CPNE2: variants seen among roughly 807,000 people sequenced by gnomAD.
CPNE2 encodes the protein copine 2.
In CPNE2, 42 loss-of-function variants were observed where a neutral mutation model predicts 69.7. That is an observed-to-expected ratio of 0.60 (90% CI 0.47 to 0.78). The LOEUF (loss-of-function observed/expected upper bound fraction) is 0.78, where lower values mean the gene tolerates loss of function less well. CPNE2 is among the 30% of genes least tolerant of loss of function. The pLI is 0.00. For synonymous variants in CPNE2, 294 were observed against 289.8 expected, an observed-to-expected ratio of 1.01 and a Z score of -0.15; for missense variants, 587 against 732.0, an observed-to-expected ratio of 0.80 and a Z score of 2.29.
At chr16:57,126,028 G>C (rs1206224997) in intron 11 of CPNE2, 35 bp downstream of exon 11, 1 of 1,612,030 alleles carries the variant, frequency 6.2e-7, no homozygotes, top group Non-Finnish European at 8.5e-7. Context: ...GGTCAGCTAG[G>C]GTTCCATCCA....
intron 1 of CPNE2, among the ~76,000 whole-genome samples, chr16:57,108,921 T>A (rs1275137323): frequency 6.6e-6 from 1 of 152,212 alleles, no homozygotes; most frequent in Admixed American, 6.5e-5. Flanking sequence ...CTGAGGCATA[T>A]GGAGGGTTTG....
rs548917741 is a variant in CPNE2 at position 57,112,547 on chromosome 16, C to T, written c.181-741C>T. Among the ~76,000 whole-genome samples, 6 of 152,282 alleles carry T rather than the reference C, an allele frequency of 3.9e-5. No individual in the cohort carries two copies. The South Asian group carries it at 6.2e-4, about 16-fold the overall frequency. On this transcript the variant is annotated intron_variant, in intron 2 of 15. Coordinates refer to ENST00000290776, the MANE Select transcript of CPNE2 (RefSeq NM_152727.6). ...GACTGGGTGGGAGGAAAAGTCAACACAGCCTGGGCCCCAAAATAGACTGTC... is the reference window on the plus strand; with the variant it reads ...GACTGGGTGGGAGGAAAAGTCAACATAGCCTGGGCCCCAAAATAGACTGTC...
rs1300186334 is a variant in CPNE2 at position 57,146,409 on chromosome 16, T to A, written c.1539+88T>A. Reference sequence around the variant, plus strand: ...CAAGCTTGAGAGTCTTGGGGTTGTCTGGCCCAATCCTAGACTTCTCCACTC... The same window carrying A: ...CAAGCTTGAGAGTCTTGGGGTTGTCAGGCCCAATCCTAGACTTCTCCACTC... On this transcript the variant is annotated intron_variant, in intron 15 of 15. Coordinates refer to ENST00000290776, the MANE Select transcript of CPNE2 (RefSeq NM_152727.6). The surrounding 1 kb of genome is among the most constrained non-coding windows in gnomAD (Gnocchi z 4.4). 8 of 1,173,746 alleles carry A rather than the reference T, an allele frequency of 6.8e-6. No individual in the cohort carries two copies. The highest frequency in any genetic ancestry group is 9.6e-6 in the Non-Finnish European group (8 of 830,934). 72.7% of individuals were successfully genotyped at this position (1,173,746 alleles called of 1,614,324 possible).
intron 1 of CPNE2, chr16:57,093,838 A>G (rs2069560800): frequency 3.0e-6 from 1 of 337,406 alleles, no homozygotes; most frequent in Non-Finnish European, 5.8e-6. Flanking sequence ...CAGGGAGCCC[A>G]TGGTTTTCAG....
At chr16:57,127,387 G>A (rs2069807997) in intron 11 of CPNE2, among the ~76,000 whole-genome samples, 1 of 152,184 alleles carries the variant, frequency 6.6e-6, no homozygotes, top group Admixed American at 6.5e-5. Context: ...AGGGGCGTGG[G>A]TGGAAGGAGA....
At chr16:57,125,766 T>C in intron 10 of CPNE2, 94 bp from the exon 11 acceptor site, 1 of 1,495,052 alleles carries the variant, frequency 6.7e-7, no homozygotes, top group Non-Finnish European at 9.1e-7. Context: ...TGAGTGGGCT[T>C]CCCATGTCCC....
intron 1 of CPNE2, among the ~76,000 whole-genome samples, chr16:57,094,673 C>T (rs2069566990): frequency 6.6e-6 from 1 of 152,144 alleles, no homozygotes; most frequent in African/African-American, 2.4e-5. Context: ...CTGTCATTGT[C>T]ATTATCCATG....
In CPNE2 at chr16:57,101,708, C is replaced by A. The variant is rs118165517; in HGVS notation, c.-36+8918C>A. 0.021 allele frequency among the ~76,000 whole-genome samples: 3,142 copies of A among 152,322 alleles called. 175 individuals carry two copies. In the East Asian group the frequency reaches 0.21, roughly 10 times the overall value. On this transcript the variant is annotated intron_variant, in intron 1 of 15. Transcript: ENST00000290776. ...GTCTCAAAGTGTGGTTCCAGGGGGG[C>A]AGCCCCAGCATCAGCTGTAGCTTGT...
chr16:57,134,085 C>A (rs946606899), intron 12 of CPNE2, among the ~76,000 whole-genome samples: 3 of 152,192 alleles, frequency 2.0e-5, no homozygotes, highest in African/African-American at 4.8e-5. Context: ...CGAAGCCATG[C>A]GAGCAGCAGC....
At chr16:57,120,465 A>C (rs2069753795) in intron 7 of CPNE2, among the ~76,000 whole-genome samples, 1 of 151,844 alleles carries the variant, frequency 6.6e-6, no homozygotes, top group South Asian at 2.1e-4. Flanking sequence ...TTATAAAATA[A>C]AATCAAATAA....
intron 13 of CPNE2, 104 bp from the exon 14 acceptor site, chr16:57,137,045 G>A: frequency 1.3e-6 from 2 of 1,484,942 alleles, no homozygotes; most frequent in South Asian, 1.3e-5. Context: ...GCCATGGCAG[G>A]GACATTTTGG....
intron 1 of CPNE2, chr16:57,093,972 C>G (rs2069561784): frequency 2.2e-6 from 1 of 450,956 alleles, no homozygotes. Flanking sequence ...AGACCCTCCC[C>G]CCCTGTGGCC....
intron 11 of CPNE2, among the ~76,000 whole-genome samples, chr16:57,127,081 T>C (rs1367986449): frequency 2.0e-5 from 3 of 152,158 alleles, no homozygotes; most frequent in Admixed American, 2.0e-4. Flanking sequence ...AGTTCTCACT[T>C]AAAGAGGAAG....
Position 57,092,941 on chromosome 16 carries a change from C to T in CPNE2, c.-36+151C>T, listed in dbSNP as rs1263801306. On this transcript the variant is annotated intron_variant, in intron 1 of 15. Coordinates refer to ENST00000290776, the MANE Select transcript of CPNE2 (RefSeq NM_152727.6). This position sits in a 1 kb window ranked among gnomAD's most constrained non-coding sequence, Gnocchi z 5.3. ...TCTAGCCCCCGCCGCCAGCGCGAAC[C>T]CGGACTCCGGCGCTTCGGTGACTCA... Among the ~76,000 whole-genome samples the T allele has an allele frequency of 5.3e-5, 8 of 152,084 alleles. No homozygotes were observed. The highest frequency in any genetic ancestry group is 1.7e-4 in the African/African-American group (7 of 41,450).
intron 1 of CPNE2, among the ~76,000 whole-genome samples, chr16:57,102,231 T>C (rs1228853544): frequency 6.6e-6 from 1 of 151,938 alleles, no homozygotes; most frequent in African/African-American, 2.4e-5. Flanking sequence ...ATAACAGGAG[T>C]GAGCCACCGC....
At chr16:57,116,290 G>T (rs185477430) in intron 4 of CPNE2, among the ~76,000 whole-genome samples, 2 of 152,150 alleles carry the variant, frequency 1.3e-5, no homozygotes, top group African/African-American at 4.8e-5. Context: ...TGAATTCTTA[G>T]CATATCCTGA....
At chr16:57,125,713 T>G in intron 10 of CPNE2, 147 bp from the exon 11 acceptor site, 1 of 944,248 alleles carries the variant, frequency 1.1e-6, no homozygotes, top group Non-Finnish European at 1.6e-6. Context: ...AATCAGAGCA[T>G]TTCTAGGTTT....
Position 57,130,885 on chromosome 16 carries a change from T to G in CPNE2, c.1116+2982T>G, listed in dbSNP as rs1458800898. Among the ~76,000 whole-genome samples, 4 of 151,142 alleles carry G rather than the reference T, an allele frequency of 2.6e-5. No individual in the cohort carries two copies. Among genetic ancestry groups the G allele is most frequent in the African/African-American group, 9.8e-5 (4 of 41,002 alleles). On this transcript the variant is annotated intron_variant, in intron 12 of 15. Transcript: ENST00000290776. This position sits in a 1 kb window ranked among gnomAD's most constrained non-coding sequence, Gnocchi z 4.1. ...GGCTGAGGAGGAGCCAGGAGAGGCG[T>G]GGAGGTGAATTGAAGCGGGGGTCCC...
chr16:57,121,059 C>A (rs1385028323), intron 7 of CPNE2, 34 bp from the exon 8 acceptor site: 2 of 1,544,592 alleles, frequency 1.3e-6, no homozygotes, highest in South Asian at 1.2e-5. Flanking sequence ...TCTTGGGGGA[C>A]AGCTCTGGGG....
Sources: gnomAD v4.1 joint callset for allele counts (sites outside exome capture counted in the v4.1 genomes callset) on GRCh38, gnomAD v4.1.1 for gene constraint, Gnocchi (gnomAD v3.1) non-coding constraint, MANE v1.5 for transcripts, NCBI Gene and HGNC (gene_info 2026-07-23, HGNC 2026-07-21) for gene names.